The following RAB31 variants were observed in gnomAD, a reference collection of about 807,000 sequenced individuals.
RAB31 encodes the protein ras-related protein Rab-31.
A neutral mutation model predicts 25.6 loss-of-function variants in RAB31; 21 were observed. That is an observed-to-expected ratio of 0.82 (90% CI 0.58 to 1.18). The LOEUF (loss-of-function observed/expected upper bound fraction) is 1.18, where lower values mean the gene tolerates loss of function less well. RAB31 is among the 50% of genes most tolerant of loss of function. RAB31 has a pLI of 0.00. For synonymous variants in RAB31, 87 were observed against 84.0 expected, an observed-to-expected ratio of 1.04 and a Z score of -0.20; for missense variants, 196 against 250.1, an observed-to-expected ratio of 0.78 and a Z score of 1.46.
At chr18:9,810,079 G>C (rs1173387863) in intron 3 of RAB31, among the ~76,000 whole-genome samples, 1 of 152,154 alleles carries the variant, frequency 6.6e-6, no homozygotes, top group Non-Finnish European at 1.5e-5. Flanking sequence ...AGACACACTG[G>C]GTTTTCACAG....
At chr18:9,791,234 G>A (rs2068457961) in intron 2 of RAB31, among the ~76,000 whole-genome samples, 1 of 152,038 alleles carries the variant, frequency 6.6e-6, no homozygotes, top group Non-Finnish European at 1.5e-5. Flanking sequence ...TTTTCTTTAT[G>A]CCATTGTAAG....
Position 9,814,287 on chromosome 18 carries a change from T to G in RAB31, c.273+196T>G, listed in dbSNP as rs562265191. Among the ~76,000 whole-genome samples the G allele has an allele frequency of 1.9e-4, 29 of 152,354 alleles. No homozygotes were observed. In the South Asian group the frequency reaches 6.0e-3, roughly 32 times the overall value. ...AATAATGACCATTCATTCTTAAAATTGACTGTAGAGGCAAAGTCATGCCTG... is the reference window on the plus strand; with the variant it reads ...AATAATGACCATTCATTCTTAAAATGGACTGTAGAGGCAAAGTCATGCCTG... On this transcript the variant is annotated intron_variant, in intron 4 of 6. Coordinates refer to ENST00000578921, the MANE Select transcript of RAB31 (RefSeq NM_006868.4).
Position 9,815,174 on chromosome 18 carries a change from A to G in RAB31, c.332A>G (p.Asn111Ser). ...GAGCTGAAAGAACATGGTCCAGAAA[A>G]CATTGTAATGGCCATCGCTGGAAAC... ...VKELKEHGPENIVMAIAGNKC... is the reference protein window; with the variant it reads ...VKELKEHGPESIVMAIAGNKC... The change falls in exon 5 of 7, where the codon AAC becomes AGC. Residue 111 changes from asparagine (N) to serine (S), a missense_variant. By Grantham distance (46) the Asn-to-Ser change is conservative. Coordinates refer to ENST00000578921, the MANE Select transcript of RAB31 (RefSeq NM_006868.4). 1 of 1,557,822 alleles carries G rather than the reference A, an allele frequency of 6.4e-7. No individual in the cohort carries two copies.
intron 5 of RAB31, among the ~76,000 whole-genome samples, chr18:9,817,968 T>C (rs2068607252): frequency 6.6e-6 from 1 of 152,204 alleles, no homozygotes; most frequent in African/African-American, 2.4e-5. Flanking sequence ...GCATCCAGCC[T>C]CCCTGGTAGT....
chr18:9,828,261 G>A (rs1384106591), intron 5 of RAB31, among the ~76,000 whole-genome samples: 1 of 152,186 alleles, frequency 6.6e-6, no homozygotes, highest in Non-Finnish European at 1.5e-5. Context: ...CGATGTGCTG[G>A]CCAGGATGGT....
chr18:9,728,580 T>C (rs1188350388), intron 1 of RAB31, among the ~76,000 whole-genome samples: 4 of 152,156 alleles, frequency 2.6e-5, no homozygotes, highest in Admixed American at 2.0e-4. Context: ...TTCCATCACC[T>C]AGGCAGGAGT....
At chr18:9,812,097 A>G (rs2068574942) in intron 3 of RAB31, among the ~76,000 whole-genome samples, 1 of 152,144 alleles carries the variant, frequency 6.6e-6, no homozygotes, top group Admixed American at 6.5e-5. Flanking sequence ...GAGAGAAGGG[A>G]GATCTGGTCT....
intron 3 of RAB31, among the ~76,000 whole-genome samples, chr18:9,801,794 T>G (rs1406889454): frequency 6.6e-6 from 1 of 152,246 alleles, no homozygotes; most frequent in Non-Finnish European, 1.5e-5. Context: ...CATTTTCTTC[T>G]GAGAGTTTTA....
intron 1 of RAB31, among the ~76,000 whole-genome samples, chr18:9,720,205 C>G (rs966594405): frequency 2.6e-5 from 4 of 152,208 alleles, no homozygotes; most frequent in African/African-American, 9.6e-5. Flanking sequence ...TTCAAGTGAT[C>G]CACCCGCCTC....
chr18:9,799,813 A>C (rs959640844), intron 3 of RAB31, among the ~76,000 whole-genome samples: 15 of 152,204 alleles, frequency 9.9e-5, no homozygotes, highest in African/African-American at 3.4e-4. Context: ...ACCATTTCCC[A>C]GTTGAATCCC....
intron 1 of RAB31, among the ~76,000 whole-genome samples, chr18:9,748,106 G>A (rs1479448507): frequency 4.6e-5 from 7 of 152,144 alleles, no homozygotes; most frequent in African/African-American, 7.2e-5. Context: ...TACTGGTGGC[G>A]TATCTCGCAG....
chr18:9,712,001 C>A (rs957784837), intron 1 of RAB31, among the ~76,000 whole-genome samples: 2 of 152,218 alleles, frequency 1.3e-5, no homozygotes, highest in African/African-American at 4.8e-5. Context: ...TAGTTTCCTG[C>A]TCCATCCATG....
chr18:9,708,363 C>T lies in RAB31; in HGVS notation c.-43C>T, dbSNP rs763250878. ...CGGCGGGGCGCGGGCGCGGCGGCCCCGGAGGATGCTGCTGAGCCCCGGCAC... is the reference window on the plus strand; with the variant it reads ...CGGCGGGGCGCGGGCGCGGCGGCCCTGGAGGATGCTGCTGAGCCCCGGCAC... On this transcript the variant is annotated 5_prime_UTR_variant, in exon 1 of 7. Transcript: ENST00000578921. This position sits in a 1 kb window ranked among gnomAD's most constrained non-coding sequence, Gnocchi z 6.4. 4.7e-6 allele frequency: 7 copies of T among 1,480,442 alleles called. No homozygotes were observed. Among genetic ancestry groups the T allele is most frequent in the South Asian group, 2.6e-5 (2 of 77,502 alleles). The allele number at this position is 1,480,442 out of a possible 1,614,324, so 91.7% of individuals were successfully genotyped here. A position where few individuals can be genotyped will look rare whatever the true frequency, so the allele number is the denominator to read the frequency against.
At chr18:9,777,659 A>C (rs78477753) in intron 2 of RAB31, among the ~76,000 whole-genome samples, 1,640 of 152,236 alleles carry the variant, frequency 0.011, 34 homozygotes, top group African/African-American at 0.037. Flanking sequence ...TTAACTGTGA[A>C]GTATGGTTCC....
intron 3 of RAB31, among the ~76,000 whole-genome samples, chr18:9,808,935 C>T (rs754409985): frequency 5.3e-5 from 8 of 152,208 alleles, no homozygotes; most frequent in Admixed American, 1.3e-4. Flanking sequence ...GTAGAATTTA[C>T]GATGCCACAA....
intron 3 of RAB31, among the ~76,000 whole-genome samples, chr18:9,810,301 C>A (rs1568184984): frequency 6.6e-6 from 1 of 152,116 alleles, no homozygotes; most frequent in Admixed American, 6.5e-5. Flanking sequence ...CCAGAAGAAT[C>A]TTTTTATGTG....
intron 1 of RAB31, among the ~76,000 whole-genome samples, chr18:9,729,928 A>G (rs2068114324): frequency 6.6e-6 from 1 of 152,220 alleles, no homozygotes; most frequent in African/African-American, 2.4e-5. Flanking sequence ...TCTGTTGCAT[A>G]AAAAGAATAA....
intron 1 of RAB31, among the ~76,000 whole-genome samples, chr18:9,736,494 C>CT (rs1004979119): frequency 6.0e-5 from 9 of 150,952 alleles, no homozygotes; most frequent in East Asian, 1.9e-4. Flanking sequence ...TCTCCCCTCC[C>CT]TTTTTTTTTC....
chr18:9,828,099 G>A (rs1039296582), intron 5 of RAB31, among the ~76,000 whole-genome samples: 2 of 152,156 alleles, frequency 1.3e-5, no homozygotes, highest in Non-Finnish European at 2.9e-5. Flanking sequence ...GAAGGGGCAA[G>A]ATCTGGAACG....
Sources: allele counts gnomAD v4.1 joint callset (sites outside exome capture counted in the v4.1 genomes callset), GRCh38; gene constraint gnomAD v4.1.1; non-coding constraint Gnocchi (gnomAD v3.1); transcripts MANE v1.5; gene names NCBI Gene and HGNC (gene_info 2026-07-23, HGNC 2026-07-21).